Variants in EML4 observed in about 807,000 individuals in gnomAD.
The protein encoded by EML4 is EMAP like 4, also known as echinoderm microtubule-associated protein-like 4.
A neutral mutation model predicts 129.0 loss-of-function variants in EML4; 72 were observed. The ratio of observed to expected loss-of-function variants is 0.56; its 90% CI spans 0.46 to 0.68. The LOEUF is 0.68. Ranked by LOEUF, EML4 falls within the 30% of genes least tolerant of loss-of-function variation. The probability of loss-of-function intolerance (pLI) is 0.00; values close to 1 mark genes in which losing one functional copy is unlikely to be tolerated. For synonymous variants in EML4, 532 were observed against 405.0 expected (o/e 1.31, Z -3.77); for missense variants, 1,363 against 1,190.6 (o/e 1.14, Z -2.13).
At position 42,254,474 on chromosome 2, in the gene EML4, C is replaced by G. The variant is rs1458192661; in HGVS notation, c.209-2027C>G. ...CTCTGTCTCAAAAAAAAAAAAAAGA[C>G]TAAGAAAGAAGAAAAAACTAAATCC... is the stretch of plus-strand genomic sequence containing the variant. On this transcript the variant is annotated intron_variant, in intron 2 of 22. Transcript: ENST00000318522. 2.7e-5 allele frequency among the ~76,000 whole-genome samples: 4 copies of G among 148,702 alleles called. No homozygotes were observed. In the East Asian group the frequency reaches 5.9e-4, roughly 22 times the overall value.
At chr2:42,212,792 A>G (rs1672960713) in intron 1 of EML4, among the ~76,000 whole-genome samples, 3 of 152,200 alleles carry the variant, frequency 2.0e-5, no homozygotes, top group Admixed American at 2.0e-4. Flanking sequence ...AGGGCATGAG[A>G]ATATAAAAGT....
intron 1 of EML4, among the ~76,000 whole-genome samples, chr2:42,207,282 A>T (rs1672614584): frequency 1.3e-5 from 2 of 152,204 alleles, no homozygotes; most frequent in Non-Finnish European, 2.9e-5. Flanking sequence ...ATGTATACAC[A>T]TACAACCTCC....
chr2:42,242,710 T>C (rs1358646936), intron 1 of EML4, among the ~76,000 whole-genome samples: 26 of 151,482 alleles, frequency 1.7e-4, no homozygotes, highest in Admixed American at 1.4e-3. Context: ...TTCTTTTCTT[T>C]CCTTTTCTTT....
intron 21 of EML4, 127 bp downstream of exon 21, chr2:42,326,379 C>G: frequency 1.6e-6 from 1 of 631,790 alleles, no homozygotes; most frequent in Non-Finnish European, 2.6e-6. Context: ...TAATGTCAGC[C>G]TCAGAGAAAT....
chr2:42,238,023 T>C (rs1390283684), intron 1 of EML4, among the ~76,000 whole-genome samples: 2 of 152,234 alleles, frequency 1.3e-5, no homozygotes, highest in East Asian at 3.8e-4. Context: ...CACCTTTGTT[T>C]TCTGATAGTT....
intron 1 of EML4, among the ~76,000 whole-genome samples, chr2:42,190,097 G>T (rs1487105714): frequency 6.6e-6 from 1 of 152,038 alleles, no homozygotes; most frequent in Non-Finnish European, 1.5e-5. Context: ...TTTGTTAAAA[G>T]AAAGCAGAAA....
chr2:42,330,245 A>G lies in EML4; in HGVS notation c.*38A>G. The G allele has an allele frequency of 6.4e-7, 1 of 1,573,854 alleles. No homozygotes were observed. The highest frequency in any genetic ancestry group is 8.7e-7 in the Non-Finnish European group (1 of 1,145,592). ...AGTGCAACTCTTTTCCTTCAGCTGC[A>G]TGTGATTTTGTGATAAAGTTCAGGT... On this transcript the variant is annotated 3_prime_UTR_variant, in exon 23 of 23. Coordinates refer to ENST00000318522, the MANE Select transcript of EML4 (RefSeq NM_019063.5).
At chr2:42,287,330 T>C (rs535280408) in intron 10 of EML4, among the ~76,000 whole-genome samples, 1 of 152,324 alleles carries the variant, frequency 6.6e-6, no homozygotes, top group South Asian at 2.1e-4. Context: ...GGCAATACTT[T>C]TGCTACTTTA....
intron 3 of EML4, among the ~76,000 whole-genome samples, chr2:42,259,066 G>C (rs1665541693): frequency 6.6e-6 from 1 of 152,148 alleles, no homozygotes; most frequent in South Asian, 2.1e-4. Context: ...GGCCAACATG[G>C]TGTAACCCCA....
At chr2:42,210,301 G>A (rs1244230789) in intron 1 of EML4, among the ~76,000 whole-genome samples, 2 of 152,092 alleles carry the variant, frequency 1.3e-5, no homozygotes, top group Non-Finnish European at 2.9e-5. Flanking sequence ...CAGCTTTGGT[G>A]TATCAGATAT....
chr2:42,247,266 A>G (rs1170624823), intron 2 of EML4, among the ~76,000 whole-genome samples: 1 of 152,182 alleles, frequency 6.6e-6, no homozygotes, highest in African/African-American at 2.4e-5. Context: ...ATATATCGAG[A>G]TAATGATAAC....
At chr2:42,243,176 T>C (rs573006730) in intron 1 of EML4, among the ~76,000 whole-genome samples, 68 of 152,248 alleles carry the variant, frequency 4.5e-4, no homozygotes, top group African/African-American at 1.6e-3. Flanking sequence ...GCATCATAGA[T>C]TGACAGCTCT....
At chr2:42,277,579 T>C (rs909631703) in intron 6 of EML4, among the ~76,000 whole-genome samples, 2 of 151,674 alleles carry the variant, frequency 1.3e-5, no homozygotes, top group African/African-American at 4.8e-5. Flanking sequence ...CCTTTTTTTT[T>C]TTTTTTTTGA....
chr2:42,172,424 A>G (rs1330827706), intron 1 of EML4, among the ~76,000 whole-genome samples: 1 of 152,204 alleles, frequency 6.6e-6, no homozygotes, highest in East Asian at 1.9e-4. Flanking sequence ...AATCATAGGA[A>G]TGATAAGTGA....
At chr2:42,217,688 G>A (rs890244621) in intron 1 of EML4, among the ~76,000 whole-genome samples, 13 of 152,138 alleles carry the variant, frequency 8.5e-5, no homozygotes, top group African/African-American at 2.7e-4. Flanking sequence ...CCACATATTC[G>A]TTGTCTTAAT....
At chr2:42,190,156 T>A (rs1324754530) in intron 1 of EML4, among the ~76,000 whole-genome samples, 2 of 152,216 alleles carry the variant, frequency 1.3e-5, no homozygotes, top group African/African-American at 2.4e-5. Context: ...CTTGTCAGGA[T>A]GATAGAACTT....
chr2:42,269,621 T>C lies in EML4; in HGVS notation c.667+4890T>C, dbSNP rs559408532. 6.2e-4 allele frequency among the ~76,000 whole-genome samples: 95 copies of C among 152,280 alleles called. 2 individuals carry two copies. The South Asian group carries it at 0.01, about 16-fold the overall frequency. On this transcript the variant is annotated intron_variant, in intron 6 of 22. Transcript: ENST00000318522. The stretch of plus-strand genomic sequence containing the variant: ...GTAGTTAGGGAAGACATTTCTGATA[T>C]GGTGACCTGAAGGAAGTGAATGAAA...
intron 1 of EML4, among the ~76,000 whole-genome samples, chr2:42,205,536 A>AG (rs1010218195): frequency 1.1e-5 from 1 of 92,028 alleles, no homozygotes; most frequent in African/African-American, 2.9e-5. Flanking sequence ...GTAAGCACTC[A>AG]ATAAATGTTT....
chr2:42,189,444 G>T (rs1295194907), intron 1 of EML4, among the ~76,000 whole-genome samples: 2 of 152,158 alleles, frequency 1.3e-5, no homozygotes, highest in Admixed American at 6.5e-5. Context: ...GCCAGGCGTG[G>T]TAGTGCATAT....
Sources: gnomAD v4.1 joint callset for allele counts (sites outside exome capture counted in the v4.1 genomes callset) on GRCh38, gnomAD v4.1.1 for gene constraint, MANE v1.5 for transcripts, NCBI Gene and HGNC (gene_info 2026-07-23, HGNC 2026-07-21) for gene names.